CMTM8: variants seen among roughly 807,000 people sequenced by gnomAD.
The protein encoded by CMTM8 is CKLF-like MARVEL transmembrane domain-containing protein 8.
In CMTM8, 12 loss-of-function variants were observed where a neutral mutation model predicts 18.6. The observed-to-expected ratio is 0.65, with a 90% CI of 0.41 to 1.05. CMTM8 has a LOEUF of 1.05. Ranked by LOEUF, CMTM8 falls within the 50% of genes least tolerant of loss-of-function variation. The probability of loss-of-function intolerance (pLI) is 0.00; values close to 1 mark genes in which losing one functional copy is unlikely to be tolerated. For synonymous variants in CMTM8, 87 were observed against 90.6 expected, an observed-to-expected ratio of 0.96 and a Z score of 0.23; for missense variants, 217 against 227.2, an observed-to-expected ratio of 0.95 and a Z score of 0.29.
At chr3:32,261,918 T>C (rs576667474) in intron 1 of CMTM8, among the ~76,000 whole-genome samples, 15 of 152,338 alleles carry the variant, frequency 9.8e-5, no homozygotes, top group African/African-American at 3.6e-4. Flanking sequence ...CAACTGAAGA[T>C]GACAATCTAC....
At chr3:32,330,018 CACTT>C (rs1696241103) in intron 1 of CMTM8, among the ~76,000 whole-genome samples, 1 of 151,738 alleles carries the variant, frequency 6.6e-6, no homozygotes, top group Admixed American at 6.6e-5. Context: ...AAGAATAAAA[CACTT>C]AGGTAAAAGA....
At chr3:32,295,495 A>C (rs1352490750) in intron 1 of CMTM8, among the ~76,000 whole-genome samples, 6 of 148,034 alleles carry the variant, frequency 4.1e-5, no homozygotes, top group Middle Eastern at 3.5e-3. Flanking sequence ...AAAACAGCGG[A>C]AAGAGAAAAT....
intron 2 of CMTM8, among the ~76,000 whole-genome samples, chr3:32,359,691 G>A (rs1261701606): frequency 6.6e-6 from 1 of 152,122 alleles, no homozygotes; most frequent in African/African-American, 2.4e-5. Context: ...TCTTCTCCAA[G>A]CCTAAAACTC....
At chr3:32,319,780 G>A (rs1295941122) in intron 1 of CMTM8, among the ~76,000 whole-genome samples, 1 of 152,212 alleles carries the variant, frequency 6.6e-6, no homozygotes, top group Non-Finnish European at 1.5e-5. Context: ...GTGCAAACTG[G>A]TGCTGCTGTG....
intron 1 of CMTM8, among the ~76,000 whole-genome samples, chr3:32,298,837 ATGTG>A (rs148915696): frequency 1.7e-3 from 242 of 140,046 alleles, no homozygotes; most frequent in African/African-American, 6.0e-3. Flanking sequence ...GTGTATATAT[ATGTG>A]TGTGTGTATA....
chr3:32,249,693 C>G (rs1702088939), intron 1 of CMTM8, among the ~76,000 whole-genome samples: 1 of 152,192 alleles, frequency 6.6e-6, no homozygotes, highest in Non-Finnish European at 1.5e-5. Flanking sequence ...AGAGAGCTGA[C>G]TATTCAAATC....
At chr3:32,240,117 T>TA (rs1701928718) in intron 1 of CMTM8, among the ~76,000 whole-genome samples, 1 of 152,210 alleles carries the variant, frequency 6.6e-6, no homozygotes, top group Non-Finnish European at 1.5e-5. Context: ...ATGTGGGAGT[T>TA]AGAGAATGGG....
At chr3:32,254,872 G>C (rs146798638) in intron 1 of CMTM8, among the ~76,000 whole-genome samples, 145 of 152,182 alleles carry the variant, frequency 9.5e-4, no homozygotes, top group African/African-American at 3.1e-3. Flanking sequence ...ACCCTAAAAA[G>C]AAACCCCATA....
chr3:32,326,656 A>G (rs2125580949), intron 1 of CMTM8, among the ~76,000 whole-genome samples: 1 of 151,760 alleles, frequency 6.6e-6, no homozygotes, highest in East Asian at 1.9e-4. Context: ...AGCTGGGACT[A>G]CAGGTGCGTA....
chr3:32,368,827 T>TAA (rs58745528), intron 3 of CMTM8, among the ~76,000 whole-genome samples: 4 of 151,614 alleles, frequency 2.6e-5, no homozygotes, highest in South Asian at 2.1e-4. Flanking sequence ...TTTTTCTAAT[T>TAA]AAAAAAAACT....
At chr3:32,319,204 G>A (rs1462097574) in intron 1 of CMTM8, among the ~76,000 whole-genome samples, 3 of 147,920 alleles carry the variant, frequency 2.0e-5, no homozygotes, top group Admixed American at 6.8e-5. Flanking sequence ...TCAGCCTCCC[G>A]AGTAGCTGGG....
At chr3:32,256,681 G>C (rs574148730) in intron 1 of CMTM8, among the ~76,000 whole-genome samples, 5 of 152,324 alleles carry the variant, frequency 3.3e-5, no homozygotes, top group African/African-American at 1.2e-4. Flanking sequence ...ATAAAAGATT[G>C]TTAAAGGCTT....
chr3:32,310,940 A>G (rs941025890), intron 1 of CMTM8, among the ~76,000 whole-genome samples: 1 of 152,242 alleles, frequency 6.6e-6, no homozygotes, highest in Non-Finnish European at 1.5e-5. Flanking sequence ...GTTATGATAA[A>G]GACAAGGTAA....
At chr3:32,295,684 G>C (rs961317596) in intron 1 of CMTM8, among the ~76,000 whole-genome samples, 3 of 152,014 alleles carry the variant, frequency 2.0e-5, no homozygotes, top group African/African-American at 7.2e-5. Context: ...TCAGAGCCTA[G>C]TATGATGGAG....
chr3:32,315,837 C>G (rs1374771028), intron 1 of CMTM8, among the ~76,000 whole-genome samples: 1 of 152,014 alleles, frequency 6.6e-6, no homozygotes, highest in Non-Finnish European at 1.5e-5. Flanking sequence ...CTGGAGTTGA[C>G]AACCTATATT....
intron 1 of CMTM8, among the ~76,000 whole-genome samples, chr3:32,309,324 T>TC (rs1553604982): frequency 2.4e-4 from 33 of 138,804 alleles, no homozygotes; most frequent in South Asian, 6.8e-4. Flanking sequence ...TTTTTTTTTT[T>TC]CGAGACAGAG....
intron 2 of CMTM8, among the ~76,000 whole-genome samples, chr3:32,357,956 A>G (rs1696849394): frequency 1.3e-5 from 2 of 152,192 alleles, no homozygotes; most frequent in African/African-American, 4.8e-5. Flanking sequence ...TTTGTACATC[A>G]CAGCTCTTAT....
At chr3:32,320,852 A>G (rs939443572) in intron 1 of CMTM8, among the ~76,000 whole-genome samples, 1 of 152,150 alleles carries the variant, frequency 6.6e-6, no homozygotes, top group Non-Finnish European at 1.5e-5. Flanking sequence ...AAAATCACCC[A>G]TGAAACGGTG....
chr3:32,276,868 A>T (rs954914200), intron 1 of CMTM8, among the ~76,000 whole-genome samples: 1 of 151,756 alleles, frequency 6.6e-6, no homozygotes, highest in East Asian at 1.9e-4. Flanking sequence ...TCATGATTCT[A>T]ATATCTAGCC....
Sources: allele counts gnomAD v4.1 joint callset (sites outside exome capture counted in the v4.1 genomes callset), GRCh38; gene constraint gnomAD v4.1.1; transcripts MANE v1.5; gene names NCBI Gene and HGNC (gene_info 2026-07-23, HGNC 2026-07-21).